The following THSD7B variants were observed in gnomAD, a reference collection of about 807,000 sequenced individuals.
THSD7B encodes the protein thrombospondin type 1 domain containing 7B, also known as thrombospondin type-1 domain-containing protein 7B.
A neutral mutation model predicts 213.6 loss-of-function variants in THSD7B; 138 were observed. The observed-to-expected ratio is 0.65, with a 90% CI of 0.56 to 0.74. THSD7B has a LOEUF of 0.74. Among genes scored for constraint, THSD7B ranks in the 30% least tolerant of loss-of-function variants. The pLI, the probability that THSD7B is intolerant of heterozygous loss-of-function variation, is 0.00. For synonymous variants in THSD7B, 742 were observed against 687.0 expected (o/e 1.08, Z -1.25); for missense variants, 1,931 against 1,991.5 (o/e 0.97, Z 0.58).
At chr2:137,538,810 T>C (rs920943573) in intron 15 of THSD7B, among the ~76,000 whole-genome samples, 20 of 151,678 alleles carry the variant, frequency 1.3e-4, no homozygotes, top group African/African-American at 4.8e-4. Flanking sequence ...CAGCATAATA[T>C]AATAGGCTCT....
intron 12 of THSD7B, among the ~76,000 whole-genome samples, chr2:137,308,842 C>G (rs73958842): frequency 0.075 from 11,350 of 152,094 alleles, 619 homozygotes; most frequent in African/African-American, 0.13. Flanking sequence ...CTTGCTAACA[C>G]TTTGCAGACA....
intron 15 of THSD7B, among the ~76,000 whole-genome samples, chr2:137,506,262 G>T (rs1484473146): frequency 6.6e-6 from 1 of 152,188 alleles, no homozygotes; most frequent in Admixed American, 6.5e-5. Flanking sequence ...TCAGAACTGA[G>T]TCGTGGCCAC....
At chr2:136,797,924 C>A (rs2104919441) in intron 1 of THSD7B, among the ~76,000 whole-genome samples, 1 of 152,072 alleles carries the variant, frequency 6.6e-6, no homozygotes, top group South Asian at 2.1e-4. Context: ...TTTGTTATGT[C>A]TGACTTCTAT....
chr2:137,319,955 G>A (rs542257581), intron 12 of THSD7B, among the ~76,000 whole-genome samples: 29 of 152,244 alleles, frequency 1.9e-4, no homozygotes, highest in African/African-American at 5.3e-4. Flanking sequence ...GAGACTCCTG[G>A]AGCTCCAGCT....
At chr2:137,067,272 T>G (rs1222928125) in intron 3 of THSD7B, among the ~76,000 whole-genome samples, 3 of 152,130 alleles carry the variant, frequency 2.0e-5, no homozygotes, top group African/African-American at 7.2e-5. Flanking sequence ...CTGGACATGA[T>G]GTACCAGGCA....
At chr2:137,217,680 C>G (rs2105041014) in intron 7 of THSD7B, among the ~76,000 whole-genome samples, 1 of 152,244 alleles carries the variant, frequency 6.6e-6, no homozygotes, top group Admixed American at 6.5e-5. Flanking sequence ...TGTGCTAGCT[C>G]TATGGAAACC....
chr2:136,997,256 C>T (rs536399853), intron 2 of THSD7B, among the ~76,000 whole-genome samples: 1 of 152,248 alleles, frequency 6.6e-6, no homozygotes, highest in South Asian at 2.1e-4. Context: ...CTTTTTCTTC[C>T]CTTTCATCTT....
intron 10 of THSD7B, among the ~76,000 whole-genome samples, chr2:137,264,815 T>A (rs1257974482): frequency 1.3e-5 from 2 of 151,476 alleles, no homozygotes; most frequent in African/African-American, 4.8e-5. Context: ...TTTTTTTAAA[T>A]TTTTTTTATT....
chr2:137,240,433 G>C (rs559400075), intron 9 of THSD7B, among the ~76,000 whole-genome samples: 1 of 151,968 alleles, frequency 6.6e-6, no homozygotes, highest in Admixed American at 6.6e-5. Flanking sequence ...CTTCCTTTTT[G>C]CCCTAACAGT....
At position 137,174,422 on chromosome 2, in the gene THSD7B, T is replaced by C. The variant is rs1161656466; in HGVS notation, c.1723+3484T>C. 2.0e-5 allele frequency among the ~76,000 whole-genome samples: 3 copies of C among 152,220 alleles called. No homozygotes were observed. In the East Asian group the frequency reaches 5.8e-4, roughly 29 times the overall value. On this transcript the variant is annotated intron_variant, in intron 7 of 27. Coordinates refer to ENST00000409968, the MANE Select transcript of THSD7B (RefSeq NM_001316349.2). The stretch of plus-strand genomic sequence containing the variant: ...ACAAACTTCAAAAATATATAATCTA[T>C]GTCACATTGAAACCAGGGAGTATAT...
intron 1 of THSD7B, among the ~76,000 whole-genome samples, chr2:136,812,468 T>A (rs78974496): frequency 0.019 from 2,965 of 152,344 alleles, 93 homozygotes; most frequent in African/African-American, 0.066. Flanking sequence ...CTGATAAGAC[T>A]GTAGTGAGGT....
At chr2:136,858,172 G>A (rs1205038742) in intron 1 of THSD7B, among the ~76,000 whole-genome samples, 1 of 152,270 alleles carries the variant, frequency 6.6e-6, no homozygotes, top group East Asian at 1.9e-4. Context: ...ATTTAGATAT[G>A]TTAATTAAAA....
chr2:137,322,146 T>C (rs1684275864), intron 12 of THSD7B, among the ~76,000 whole-genome samples: 1 of 152,242 alleles, frequency 6.6e-6, no homozygotes, highest in Non-Finnish European at 1.5e-5. Context: ...CATTTGCTCA[T>C]TCTAAAACTC....
chr2:137,464,593 A>C (rs1687955531), intron 15 of THSD7B, among the ~76,000 whole-genome samples: 1 of 152,056 alleles, frequency 6.6e-6, no homozygotes, highest in Admixed American at 6.6e-5. Context: ...AAGTCTTTGC[A>C]CTTTGTACTA....
At chr2:137,497,492 C>T (rs183909991) in intron 15 of THSD7B, among the ~76,000 whole-genome samples, 6 of 152,164 alleles carry the variant, frequency 3.9e-5, no homozygotes, top group African/African-American at 7.2e-5. Context: ...ACTAGACCCA[C>T]TTCCAAATGT....
At chr2:137,312,636 G>A (rs1403779203) in intron 12 of THSD7B, among the ~76,000 whole-genome samples, 1 of 149,724 alleles carries the variant, frequency 6.7e-6, no homozygotes, top group Non-Finnish European at 1.5e-5. Flanking sequence ...TTTCTCTTGT[G>A]GGCATTTAGT....
chr2:137,186,044 A>G (rs1573873957), intron 7 of THSD7B, among the ~76,000 whole-genome samples: 1 of 152,104 alleles, frequency 6.6e-6, no homozygotes, highest in African/African-American at 2.4e-5. Context: ...TTGGAGAAGT[A>G]TCTGTTCATA....
At chr2:137,314,975 G>T (rs1558754569) in intron 12 of THSD7B, among the ~76,000 whole-genome samples, 2 of 152,226 alleles carry the variant, frequency 1.3e-5, no homozygotes, top group Admixed American at 6.5e-5. Flanking sequence ...TCTGTGCCCT[G>T]CCCCCAGAGG....
intron 15 of THSD7B, among the ~76,000 whole-genome samples, chr2:137,505,360 C>G (rs918834484): frequency 3.9e-5 from 6 of 152,162 alleles, no homozygotes; most frequent in African/African-American, 1.4e-4. Context: ...CTCCAAGTTC[C>G]AGGAGCTGCT....
Sources: gnomAD v4.1 joint callset for allele counts (sites outside exome capture counted in the v4.1 genomes callset) on GRCh38, gnomAD v4.1.1 for gene constraint, MANE v1.5 for transcripts, NCBI Gene and HGNC (gene_info 2026-07-23, HGNC 2026-07-21) for gene names.